The following CADPS2 variants were observed in gnomAD, a reference collection of about 807,000 sequenced individuals.
The protein encoded by CADPS2 is calcium dependent secretion activator 2, also known as calcium-dependent secretion activator 2.
Under a neutral mutation model 172.5 loss-of-function variants are expected in CADPS2, and 93 were observed. That is an observed-to-expected ratio of 0.54 (90% confidence interval 0.46 to 0.64). The LOEUF (loss-of-function observed/expected upper bound fraction) is 0.64, where lower values mean the gene tolerates loss of function less well. Ranked by LOEUF, CADPS2 falls within the 30% of genes least tolerant of loss-of-function variation. The pLI, the probability that CADPS2 is intolerant of heterozygous loss-of-function variation, is 0.00. For missense variants in CADPS2, 1,420 were observed against 1,565.9 expected (o/e 0.91, Z 1.57); for synonymous variants, 546 against 555.2 (o/e 0.98, Z 0.23).
At chr7:122,543,887 A>C (rs2063351417) in intron 8 of CADPS2, among the ~76,000 whole-genome samples, 1 of 152,156 alleles carries the variant, frequency 6.6e-6, no homozygotes, top group Non-Finnish European at 1.5e-5. Context: ...CTATAAACAA[A>C]AACATGTGAA....
intron 12 of CADPS2, among the ~76,000 whole-genome samples, chr7:122,477,082 GGGAGAGA>G (rs1563449785): frequency 2.7e-5 from 4 of 148,330 alleles, no homozygotes; most frequent in African/African-American, 9.9e-5. Context: ...GAGAGAGAGA[GGGAGAGA>G]GAGAGGTAGG....
chr7:122,367,128 T>C (rs1450290040), intron 25 of CADPS2, among the ~76,000 whole-genome samples: 1 of 152,186 alleles, frequency 6.6e-6, no homozygotes, highest in Non-Finnish European at 1.5e-5. Flanking sequence ...ATGGCCTTGA[T>C]CCAAACAAGT....
At chr7:122,796,431 A>G (rs1796386180) in intron 1 of CADPS2, among the ~76,000 whole-genome samples, 1 of 152,224 alleles carries the variant, frequency 6.6e-6, no homozygotes, top group South Asian at 2.1e-4. Context: ...AAATGAACAA[A>G]GGTGGAGGCA....
chr7:122,605,352 C>T (rs1304935011), intron 6 of CADPS2, among the ~76,000 whole-genome samples: 3 of 152,008 alleles, frequency 2.0e-5, no homozygotes, highest in African/African-American at 7.2e-5. Context: ...TATGATGTCA[C>T]TAAGAGATAG....
intron 2 of CADPS2, among the ~76,000 whole-genome samples, chr7:122,721,728 C>T (rs1184664699): frequency 6.6e-6 from 1 of 151,566 alleles, no homozygotes; most frequent in Non-Finnish European, 1.5e-5. Context: ...CTGGCAGAGA[C>T]ACAACAAAAA....
intron 18 of CADPS2, among the ~76,000 whole-genome samples, chr7:122,414,411 A>T (rs1197572526): frequency 3.3e-5 from 5 of 152,204 alleles, no homozygotes; most frequent in Admixed American, 2.6e-4. Flanking sequence ...GCAATTGAAT[A>T]TCCAATTATT....
intron 9 of CADPS2, among the ~76,000 whole-genome samples, chr7:122,499,144 C>T (rs1329873683): frequency 6.6e-6 from 1 of 152,198 alleles, no homozygotes; most frequent in Non-Finnish European, 1.5e-5. Context: ...AATTTTCCTG[C>T]ATATTCAGAG....
intron 8 of CADPS2, among the ~76,000 whole-genome samples, chr7:122,526,182 ATTT>A (rs2061219900): frequency 7.5e-5 from 2 of 26,706 alleles, no homozygotes; most frequent in African/African-American, 4.1e-4. Flanking sequence ...TGATACACTT[ATTT>A]ATTTATTTAT....
intron 2 of CADPS2, among the ~76,000 whole-genome samples, chr7:122,705,563 T>C (rs2086899010): frequency 9.6e-6 from 1 of 104,410 alleles, no homozygotes; most frequent in Non-Finnish European, 1.8e-5. Flanking sequence ...ATTTATATTA[T>C]ATATTATCTA....
intron 9 of CADPS2, among the ~76,000 whole-genome samples, chr7:122,511,363 AATAAG>A (rs547061581): frequency 6.0e-4 from 91 of 152,304 alleles, no homozygotes; most frequent in African/African-American, 2.0e-3. Flanking sequence ...TATGCTAGAA[AATAAG>A]ATAAGGGGCA....
intron 1 of CADPS2, among the ~76,000 whole-genome samples, chr7:122,771,805 A>C (rs1293001699): frequency 6.6e-6 from 1 of 152,186 alleles, no homozygotes; most frequent in Non-Finnish European, 1.5e-5. Flanking sequence ...TAAAAAAGAG[A>C]AACTGTGGGT....
chr7:122,775,420 G>A (rs1333795361), intron 1 of CADPS2, among the ~76,000 whole-genome samples: 1 of 152,152 alleles, frequency 6.6e-6, no homozygotes, highest in Non-Finnish European at 1.5e-5. Flanking sequence ...GGTAGCCCAG[G>A]GGGATGCTGC....
rs562980553 is a variant in CADPS2, at chr7:122,859,241, TAA to T, written c.339+26756_339+26757del. Among the ~76,000 whole-genome samples, 947 of 152,332 alleles carry T rather than the reference TAA, an allele frequency of 6.2e-3. 4 individuals carry two copies. Among genetic ancestry groups the T allele is most frequent in the Non-Finnish European group, 9.6e-3 (656 of 68,020 alleles). On this transcript the variant is annotated intron_variant, in intron 1 of 29. Coordinates refer to ENST00000449022, the MANE Select transcript of CADPS2 (RefSeq NM_017954.11). Reference sequence around the variant, plus strand: ...ATCCCAAAAGACTTTCTTAAAAGTTTAAAGTTTTATAGATGATTGACTGAATA... The same window carrying T: ...ATCCCAAAAGACTTTCTTAAAAGTTTAGTTTTATAGATGATTGACTGAATA...
intron 1 of CADPS2, among the ~76,000 whole-genome samples, chr7:122,836,228 A>C (rs1322225174): frequency 3.9e-5 from 6 of 152,236 alleles, no homozygotes; most frequent in East Asian, 1.9e-4. Context: ...CAAGCAAATG[A>C]TAAGAGATTT....
intron 2 of CADPS2, among the ~76,000 whole-genome samples, chr7:122,723,028 T>C (rs2090641805): frequency 1.3e-5 from 2 of 151,980 alleles, no homozygotes; most frequent in Admixed American, 1.3e-4. Flanking sequence ...CAAAAATTAA[T>C]TCAAGATGGA....
At chr7:122,392,389 G>T (rs2044484872) in intron 22 of CADPS2, among the ~76,000 whole-genome samples, 1 of 146,664 alleles carries the variant, frequency 6.8e-6, no homozygotes, top group Admixed American at 6.8e-5. Context: ...CCTCAATACA[G>T]TTTTTTTTTT....
intron 1 of CADPS2, among the ~76,000 whole-genome samples, chr7:122,844,531 A>T (rs933970020): frequency 2.0e-5 from 3 of 152,228 alleles, no homozygotes; most frequent in East Asian, 3.8e-4. Context: ...ATATCATGGG[A>T]TATCCTGTTT....
chr7:122,386,449 T>C (rs2151426557), intron 24 of CADPS2: 1 of 496,326 alleles, frequency 2.0e-6, no homozygotes, highest in East Asian at 3.4e-5. Flanking sequence ...GAAAAATAAA[T>C]CAATTTTCAC....
chr7:122,321,235 T>C (rs1378009391), intron 29 of CADPS2, among the ~76,000 whole-genome samples: 3 of 152,178 alleles, frequency 2.0e-5, no homozygotes, highest in African/African-American at 7.2e-5. Context: ...GGTGTGATCA[T>C]TGCTTACTGC....
Sources: allele counts gnomAD v4.1 joint callset (sites outside exome capture counted in the v4.1 genomes callset), GRCh38; gene constraint gnomAD v4.1.1; transcripts MANE v1.5; gene names NCBI Gene and HGNC (gene_info 2026-07-23, HGNC 2026-07-21).